GATA3: variants seen among roughly 807,000 people sequenced by gnomAD.
The protein encoded by GATA3 is GATA binding protein 3, also known as trans-acting T-cell-specific transcription factor GATA-3.
Under a neutral mutation model 36.0 loss-of-function variants are expected in GATA3, and 6 were observed. The observed-to-expected ratio is 0.17, with a 90% CI of 0.09 to 0.33. The LOEUF (loss-of-function observed/expected upper bound fraction) is 0.33. Ranked by LOEUF, GATA3 falls within the 10% of genes least tolerant of loss-of-function variation. GATA3 has a pLI of 1.00. For synonymous variants in GATA3, 326 were observed against 273.0 expected, an observed-to-expected ratio of 1.19 and a Z score of -1.92; for missense variants, 514 against 610.1, an observed-to-expected ratio of 0.84 and a Z score of 1.66.
upstream of GATA3, among the ~76,000 whole-genome samples, chr10:8,054,399 C>T (rs1832577266): frequency 6.6e-6 from 1 of 152,196 alleles, no homozygotes; most frequent in African/African-American, 2.4e-5. This position sits in a 1 kb window ranked among gnomAD's most constrained non-coding sequence, Gnocchi z 4.2. Context: ...ATTTAAAGGG[C>T]CAGAGCGCGC....
At chr10:8,051,844 C>T (rs1160271630), upstream of GATA3, among the ~76,000 whole-genome samples, 3 of 152,048 alleles carry the variant, frequency 2.0e-5, no homozygotes, top group Non-Finnish European at 4.4e-5. Flanking sequence ...CTGGCCCGGA[C>T]CCCCGCAGCC....
intron 3 of GATA3, among the ~76,000 whole-genome samples, chr10:8,059,777 C>T (rs1832717561): frequency 6.6e-6 from 1 of 152,236 alleles, no homozygotes; most frequent in South Asian, 2.1e-4. Context: ...TCACCAATTC[C>T]ATTTCTAAAC....
At chr10:8,073,155 A>G (rs1055132802) in intron 5 of GATA3, among the ~76,000 whole-genome samples, 10 of 151,760 alleles carry the variant, frequency 6.6e-5, no homozygotes, top group African/African-American at 2.4e-4. Context: ...AAAAAAAAAA[A>G]AAAAAAAAAA....
intron 5 of GATA3, among the ~76,000 whole-genome samples, chr10:8,070,495 G>A (rs1358018721): frequency 6.6e-6 from 1 of 150,712 alleles, no homozygotes; most frequent in Non-Finnish European, 1.5e-5. Context: ...TCTCTGTGTT[G>A]CTCTCTCTCT....
In GATA3 at chr10:8,074,812, CT is replaced by C. The variant is rs1417558072; in HGVS notation, c.*792del. ...TATTTACTGCTAGTCTTAAGAACTG[CT>C]TTCTTTCGTTTGTTTGTTTCAATAT... On this transcript the variant is annotated 3_prime_UTR_variant, in exon 6 of 6. Transcript: ENST00000379328. 19 of 233,628 alleles carry C rather than the reference CT, an allele frequency of 8.1e-5. No individual in the cohort carries two copies. Among genetic ancestry groups the C allele is most frequent in the African/African-American group, 4.0e-4 (18 of 45,358 alleles). 14.5% of individuals were successfully genotyped at this position (233,628 alleles called of 1,614,324 possible). A position where few individuals can be genotyped will look rare whatever the true frequency, so the allele number is the denominator to read the frequency against.
chr10:8,061,428 C>T (rs915417263), intron 3 of GATA3, among the ~76,000 whole-genome samples: 1 of 152,166 alleles, frequency 6.6e-6, no homozygotes, highest in Non-Finnish European at 1.5e-5. Context: ...TTGCCAGCAG[C>T]TGTTGAATGT....
At chr10:8,045,856 T>C (rs1443889783) in intron 1 of GATA3, among the ~76,000 whole-genome samples, 1 of 152,154 alleles carries the variant, frequency 6.6e-6, no homozygotes, top group Non-Finnish European at 1.5e-5. Flanking sequence ...GGGCAGAGGA[T>C]TGGGGAAAAC....
intron 5 of GATA3, among the ~76,000 whole-genome samples, chr10:8,071,268 A>C (rs1332380870): frequency 2.0e-5 from 3 of 152,220 alleles, no homozygotes; most frequent in Non-Finnish European, 4.4e-5. Context: ...TTTCAGAGTC[A>C]GGAGGCTTTC....
Position 8,058,717 on chromosome 10 carries a change from C to G in GATA3, c.654C>G (p.Pro218=). The change falls in exon 3 of 6, where the codon CCC becomes CCG. Residue 218 remains proline, a synonymous_variant. Transcript: ENST00000379328. The part of the protein sequence containing the change: ...LGGASSSTHH[P]ITTYPPYVPE... ...GAGCCTCCTCGTCGACCCACCACCC[C>G]ATCACCACCTACCCGCCCTACGTGC... The G allele has an allele frequency of 8.1e-6, 13 of 1,612,864 alleles. No homozygotes were observed. The highest frequency in any genetic ancestry group is 1.1e-5 in the Non-Finnish European group (13 of 1,179,946).
At chr10:8,060,384 G>C (rs984941887) in intron 3 of GATA3, among the ~76,000 whole-genome samples, 1 of 152,180 alleles carries the variant, frequency 6.6e-6, no homozygotes, top group Non-Finnish European at 1.5e-5. Flanking sequence ...GCACAAAGTG[G>C]CCACGGTGCC....
At chr10:8,072,806 A>ATT (rs1208132819) in intron 5 of GATA3, among the ~76,000 whole-genome samples, 1 of 152,154 alleles carries the variant, frequency 6.6e-6, no homozygotes, top group African/African-American at 2.4e-5. Flanking sequence ...CTAGGTGGAA[A>ATT]TAGCACTTGC....
intron 3 of GATA3, among the ~76,000 whole-genome samples, chr10:8,063,376 C>T (rs556704852): frequency 8.3e-4 from 127 of 152,312 alleles, no homozygotes; most frequent in African/African-American, 2.9e-3. Context: ...GCTTCCTTTC[C>T]AGCCAGGGAC....
At chr10:8,069,758 C>T (rs906609786) in intron 5 of GATA3, among the ~76,000 whole-genome samples, 160 bp downstream of exon 5, 2 of 152,302 alleles carry the variant, frequency 1.3e-5, no homozygotes, top group African/African-American at 4.8e-5. Flanking sequence ...ACTACTTTGT[C>T]TAGCATAGCC....
intron 5 of GATA3, 90 bp from the exon 6 acceptor site, chr10:8,073,649 C>A: frequency 2.1e-6 from 3 of 1,398,930 alleles, no homozygotes; most frequent in Non-Finnish European, 2.9e-6. Flanking sequence ...CCGGGGCGGT[C>A]AGTGGAACCC....
chr10:8,065,725 TC>T (rs1832827553), intron 4 of GATA3, among the ~76,000 whole-genome samples: 3 of 133,784 alleles, frequency 2.2e-5, no homozygotes, highest in Admixed American at 7.6e-5. Context: ...TTTTTTTTTT[TC>T]CTTTCTCTCA....
At position 8,055,539 on chromosome 10, in the gene GATA3, A is replaced by G; in HGVS notation, c.-117A>G. 8.9e-7 allele frequency: 1 copy of G among 1,118,014 alleles called. No homozygotes were observed. The highest frequency in any genetic ancestry group is 1.5e-5 in the South Asian group (1 of 66,094). 69.3% of individuals were successfully genotyped at this position (1,118,014 alleles called of 1,614,324 possible). ...CCCATCCCCCCACCGAAAGCAAATC[A>G]TTCAACGACCCCCGACCCTCCGACG... is the stretch of plus-strand genomic sequence containing the variant. On this transcript the variant is annotated 5_prime_UTR_variant, in exon 2 of 6. Transcript: ENST00000379328. This position sits in a 1 kb window ranked among gnomAD's most constrained non-coding sequence, Gnocchi z 5.4.
intron 1 of GATA3, among the ~76,000 whole-genome samples, chr10:8,047,696 G>A (rs1431066171): frequency 6.6e-5 from 10 of 152,216 alleles, no homozygotes; most frequent in Non-Finnish European, 1.2e-4. Context: ...CTGCCGGTCT[G>A]CTGGCGTTAG....
In GATA3 at chr10:8,055,579, A is replaced by G. The variant is rs1588374544; in HGVS notation, c.-77A>G. The stretch of plus-strand genomic sequence containing the variant: ...ACCCTCCGACGGCAGGAGCCCCCCG[A>G]CCTCCCAGGCGGACCGCCCTCCCTC... On this transcript the variant is annotated 5_prime_UTR_variant, in exon 2 of 6. Coordinates refer to ENST00000379328, the MANE Select transcript of GATA3 (RefSeq NM_001002295.2). The surrounding 1 kb of genome is among the most constrained non-coding windows in gnomAD (Gnocchi z 5.4). The G allele has an allele frequency of 2.9e-6, 4 of 1,399,310 alleles. No individual in the cohort carries two copies. The highest frequency in any genetic ancestry group is 3.7e-6 in the Non-Finnish European group (4 of 1,068,474). 86.7% of individuals were successfully genotyped at this position (1,399,310 alleles called of 1,614,324 possible). A position where few individuals can be genotyped will look rare whatever the true frequency, so the allele number is the denominator to read the frequency against.
rs1394968496 is a variant in GATA3 at position 8,058,759 on chromosome 10, A to G, written c.696A>G (p.Gly232=). 3.1e-6 allele frequency: 5 copies of G among 1,609,528 alleles called. No homozygotes were observed. Among genetic ancestry groups the G allele is most frequent in the Non-Finnish European group, 4.2e-6 (5 of 1,179,394 alleles). Residue 232 remains glycine (G), a synonymous_variant, in exon 3 of 6, where the codon GGA becomes GGG. Transcript: ENST00000379328. ...CCTACGTGCCCGAGTACAGCTCCGGACTCTTCCCCCCCAGCAGCCTGCTGG... is the reference window on the plus strand; with the variant it reads ...CCTACGTGCCCGAGTACAGCTCCGGGCTCTTCCCCCCCAGCAGCCTGCTGG... ...YPPYVPEYSS[G]LFPPSSLLGG...
Sources: gnomAD v4.1 joint callset for allele counts (sites outside exome capture counted in the v4.1 genomes callset) on GRCh38, gnomAD v4.1.1 for gene constraint, Gnocchi (gnomAD v3.1) non-coding constraint, MANE v1.5 for transcripts, NCBI Gene and HGNC (gene_info 2026-07-23, HGNC 2026-07-21) for gene names.